The following PTPRD variants were observed in gnomAD, a reference collection of about 807,000 sequenced individuals.
The protein encoded by PTPRD is receptor-type tyrosine-protein phosphatase delta.
Under a neutral mutation model 214.5 loss-of-function variants are expected in PTPRD, and 34 were observed. The observed-to-expected ratio is 0.16, with a 90% CI of 0.12 to 0.21. The LOEUF is 0.21. PTPRD is among the 10% of genes least tolerant of loss of function. The pLI is 1.00. For synonymous variants in PTPRD, 1,128 were observed against 845.7 expected (o/e 1.33, Z -5.79); for missense variants, 2,545 against 2,398.7 (o/e 1.06, Z -1.27).
rs74903275 is a variant in PTPRD, at chr9:9,069,845, A to C, written c.-142-51110T>G. On this transcript the variant is annotated intron_variant, in intron 10 of 45. Transcript: ENST00000381196. ...AGCAGTATAAAAATGAGTTCACTAA[A>C]GCAGTGCCAGATTGAATCATCTAGC... Among the ~76,000 whole-genome samples the C allele has an allele frequency of 8.1e-3, 1,235 of 152,336 alleles. 14 individuals carry two copies. Among genetic ancestry groups the C allele is most frequent in the African/African-American group, 0.028 (1,160 of 41,578 alleles).
chr9:9,117,770 G>C (rs1476957825), intron 10 of PTPRD, among the ~76,000 whole-genome samples: 1 of 151,904 alleles, frequency 6.6e-6, no homozygotes, highest in Non-Finnish European at 1.5e-5. Flanking sequence ...AAAACCAACT[G>C]TAAAATCATG....
intron 11 of PTPRD, among the ~76,000 whole-genome samples, chr9:8,750,795 G>A (rs1472890856): frequency 6.6e-6 from 1 of 152,168 alleles, no homozygotes; most frequent in Non-Finnish European, 1.5e-5. Flanking sequence ...GGGCCTGTAA[G>A]CAACAGTGGA....
At chr9:9,444,990 A>C (rs2089863644) in intron 8 of PTPRD, among the ~76,000 whole-genome samples, 1 of 152,196 alleles carries the variant, frequency 6.6e-6, no homozygotes, top group South Asian at 2.1e-4. Flanking sequence ...ATCTTCAAAT[A>C]GTGTTTTAAA....
chr9:9,581,905 T>G (rs1362875540), intron 7 of PTPRD, among the ~76,000 whole-genome samples: 1 of 152,160 alleles, frequency 6.6e-6, no homozygotes, highest in Non-Finnish European at 1.5e-5. Context: ...TACTATACTA[T>G]AATGTGAGGT....
At chr9:9,127,070 T>C (rs2099835112) in intron 10 of PTPRD, among the ~76,000 whole-genome samples, 2 of 150,350 alleles carry the variant, frequency 1.3e-5, no homozygotes, top group South Asian at 4.2e-4. Flanking sequence ...CCAGAACAGG[T>C]TGCCATCCCA....
chr9:8,682,960 G>T (rs564593534), intron 12 of PTPRD, among the ~76,000 whole-genome samples: 1 of 151,998 alleles, frequency 6.6e-6, no homozygotes, highest in African/African-American at 2.4e-5. Context: ...TGACTTGCAG[G>T]TTTCCCAAAA....
chr9:10,031,252 A>G (rs1205020143), intron 4 of PTPRD, among the ~76,000 whole-genome samples: 3 of 152,088 alleles, frequency 2.0e-5, no homozygotes, highest in Non-Finnish European at 4.4e-5. Flanking sequence ...TCAATACTTT[A>G]CTGGTTAATA....
chr9:9,162,656 T>G (rs890338572), intron 10 of PTPRD, among the ~76,000 whole-genome samples: 2 of 152,092 alleles, frequency 1.3e-5, no homozygotes, highest in Non-Finnish European at 2.9e-5. Context: ...AATTTCATCA[T>G]GCATGGTTTT....
chr9:9,998,123 A>ATAT (rs1555449048), intron 4 of PTPRD, among the ~76,000 whole-genome samples: 33 of 47,752 alleles, frequency 6.9e-4, no homozygotes, highest in Middle Eastern at 0.029. Context: ...AATAAAAAAA[A>ATAT]AAAAAAATAT....
chr9:8,901,097 G>A (rs931070610), intron 11 of PTPRD, among the ~76,000 whole-genome samples: 8 of 152,170 alleles, frequency 5.3e-5, no homozygotes, highest in African/African-American at 1.9e-4. Flanking sequence ...CAGTTACTAA[G>A]AAAGGGCAAA....
intron 8 of PTPRD, among the ~76,000 whole-genome samples, chr9:9,561,895 A>G (rs1469957426): frequency 6.6e-6 from 1 of 152,056 alleles, no homozygotes; most frequent in African/African-American, 2.4e-5. Context: ...TTTTCTCTCT[A>G]TGTATACATG....
chr9:8,523,085 C>A (rs572057520), intron 19 of PTPRD, among the ~76,000 whole-genome samples: 1 of 151,894 alleles, frequency 6.6e-6, no homozygotes, highest in East Asian at 1.9e-4. Context: ...AGTGTAGACT[C>A]TGAGGTATCA....
At chr9:8,376,835 TTGA>T in intron 37 of PTPRD, 109 bp from the exon 38 acceptor site, 1 of 1,435,042 alleles carries the variant, frequency 7.0e-7, no homozygotes, top group Non-Finnish European at 9.5e-7. Context: ...TCATTTTATG[TTGA>T]TCTTTTTCTG....
At chr9:8,804,603 A>C (rs987092542) in intron 11 of PTPRD, among the ~76,000 whole-genome samples, 4 of 151,972 alleles carry the variant, frequency 2.6e-5, no homozygotes, top group Non-Finnish European at 5.9e-5. Flanking sequence ...GTCTCCAAAA[A>C]ACAAACACAC....
At chr9:8,522,504 T>C (rs1218167190) in intron 19 of PTPRD, among the ~76,000 whole-genome samples, 2 of 152,104 alleles carry the variant, frequency 1.3e-5, no homozygotes, top group East Asian at 3.9e-4. Context: ...ACAACATAAA[T>C]GACAACAAAA....
chr9:8,972,783 T>C (rs920048433), intron 11 of PTPRD, among the ~76,000 whole-genome samples: 2 of 151,918 alleles, frequency 1.3e-5, no homozygotes, highest in Admixed American at 6.6e-5. Flanking sequence ...CCCAAGAACA[T>C]TTAATGAATG....
At chr9:8,375,328 A>C (rs1262689701) in intron 39 of PTPRD, among the ~76,000 whole-genome samples, 5 of 151,990 alleles carry the variant, frequency 3.3e-5, no homozygotes, top group Non-Finnish European at 5.9e-5. Flanking sequence ...CAAACTATAC[A>C]TTTCGAGAGA....
rs975844974 is a variant in PTPRD at position 8,315,634 on chromosome 9, A to T, written c.*2240T>A. ...CTTCTAGATACTTTTTTTTAGTATT[A>T]TATATATTTTCTTTTTTTTCTTTTT... On this transcript the variant is annotated 3_prime_UTR_variant, in exon 46 of 46. Coordinates refer to ENST00000381196, the MANE Select transcript of PTPRD (RefSeq NM_002839.4). 7.5e-5 allele frequency: 17 copies of T among 227,906 alleles called. No individual in the cohort carries two copies. Among genetic ancestry groups the T allele is most frequent in the Non-Finnish European group, 1.3e-4 (15 of 114,584 alleles). The allele number at this position is 227,906 out of a possible 1,614,324, so 14.1% of individuals were successfully genotyped here.
chr9:8,844,998 G>C (rs576257006), intron 11 of PTPRD, among the ~76,000 whole-genome samples: 2 of 152,128 alleles, frequency 1.3e-5, no homozygotes, highest in South Asian at 4.1e-4. Context: ...AAATTTGTCA[G>C]TGCAAATTAT....
Sources: gnomAD v4.1 joint callset for allele counts (sites outside exome capture counted in the v4.1 genomes callset) on GRCh38, gnomAD v4.1.1 for gene constraint, MANE v1.5 for transcripts, NCBI Gene and HGNC (gene_info 2026-07-23, HGNC 2026-07-21) for gene names.